LIMCH1: variants seen among roughly 807,000 people sequenced by gnomAD.
LIMCH1 encodes the protein LIM and calponin homology domains 1.
Under a neutral mutation model 176.5 loss-of-function variants are expected in LIMCH1, and 113 were observed. The ratio of observed to expected loss-of-function variants is 0.64; its 90% CI spans 0.55 to 0.75. The LOEUF is 0.75. Ranked by LOEUF, LIMCH1 falls within the 30% of genes least tolerant of loss-of-function variation. LIMCH1 has a pLI of 0.00. For synonymous variants in LIMCH1, 619 were observed against 645.9 expected, an observed-to-expected ratio of 0.96 and a Z score of 0.63; for missense variants, 1,674 against 1,814.9, an observed-to-expected ratio of 0.92 and a Z score of 1.41.
upstream of LIMCH1, among the ~76,000 whole-genome samples, chr4:41,360,372 C>T (rs939749601): frequency 2.6e-5 from 4 of 151,952 alleles, no homozygotes; most frequent in Non-Finnish European, 4.4e-5. This position sits in a 1 kb window ranked among gnomAD's most constrained non-coding sequence, Gnocchi z 4.5. Context: ...CGGGTGCGCC[C>T]CACTGGGCGC....
rs879838799 is a variant in LIMCH1, at chr4:41,620,517, C to T, written c.552C>T (p.Ser184=). The T allele has an allele frequency of 3.0e-5, 46 of 1,536,284 alleles. No individual in the cohort carries two copies. Among genetic ancestry groups the T allele is most frequent in the Middle Eastern group, 3.3e-4 (2 of 6,010 alleles). ...AGQMNPGWKP[S]DGGCELPDGS... Reference sequence around the variant, plus strand: ...AAATGAATCCTGGTTGGAAGCCTTCCGATGGTGGGTGTGAATTACCTGACG... The same window carrying T: ...AAATGAATCCTGGTTGGAAGCCTTCTGATGGTGGGTGTGAATTACCTGACG... Residue 184 remains serine (S), a synonymous_variant, in exon 7 of 32, where the codon TCC becomes TCT. Coordinates refer to ENST00000503057, the MANE Select transcript of LIMCH1 (RefSeq NM_001330672.2).
chr4:41,536,182 G>A (rs552214699), upstream of LIMCH1, among the ~76,000 whole-genome samples: 81 of 152,222 alleles, frequency 5.3e-4, no homozygotes, highest in Non-Finnish European at 1.0e-3. Flanking sequence ...CCAAACCCAG[G>A]TTTATAGGGA....
At chr4:41,570,909 T>A (rs978192589) in intron 1 of LIMCH1, among the ~76,000 whole-genome samples, 1 of 151,894 alleles carries the variant, frequency 6.6e-6, no homozygotes, top group African/African-American at 2.4e-5. Flanking sequence ...TGAAGGAGAG[T>A]GCAGAAATAG....
At chr4:41,620,791 C>A in intron 7 of LIMCH1, 101 bp downstream of exon 7, 1 of 1,325,684 alleles carries the variant, frequency 7.5e-7, no homozygotes, top group Non-Finnish European at 1.0e-6. Context: ...TTTCCACTTC[C>A]CGCTTTTCCT....
chr4:41,592,230 G>A (rs1264905674), intron 1 of LIMCH1, among the ~76,000 whole-genome samples: 2 of 152,202 alleles, frequency 1.3e-5, no homozygotes, highest in Non-Finnish European at 2.9e-5. Context: ...ATTCCATCAT[G>A]TAATTCCTAC....
chr4:41,396,322 T>C (rs1402699827), intron 1 of LIMCH1, among the ~76,000 whole-genome samples: 2 of 152,218 alleles, frequency 1.3e-5, no homozygotes, highest in African/African-American at 4.8e-5. Flanking sequence ...ATGTATTAAA[T>C]GCAAAAGATT....
At chr4:41,384,210 CT>C (rs112813036) in intron 1 of LIMCH1, among the ~76,000 whole-genome samples, 130 of 144,320 alleles carry the variant, frequency 9.0e-4, no homozygotes, top group Admixed American at 9.0e-4. Context: ...ATCCTGCTTT[CT>C]TTTTTTTTTT....
chr4:41,667,798 A>G (rs1176626944), intron 21 of LIMCH1, among the ~76,000 whole-genome samples: 1 of 152,068 alleles, frequency 6.6e-6, no homozygotes, highest in Non-Finnish European at 1.5e-5. Flanking sequence ...CTTCAAAACA[A>G]CTAGACCGCT....
At chr4:41,454,210 C>G (rs1294656225) in intron 1 of LIMCH1, among the ~76,000 whole-genome samples, 1 of 152,158 alleles carries the variant, frequency 6.6e-6, no homozygotes, top group Non-Finnish European at 1.5e-5. Flanking sequence ...TTTTTATCCA[C>G]TGCTACAATG....
chr4:41,577,907 A>G (rs1009043064), intron 1 of LIMCH1, among the ~76,000 whole-genome samples: 3 of 152,186 alleles, frequency 2.0e-5, no homozygotes, highest in Non-Finnish European at 4.4e-5. Flanking sequence ...CTTGTTGTTG[A>G]ACATTCATGT....
chr4:41,438,861 T>C (rs957819600), intron 1 of LIMCH1, among the ~76,000 whole-genome samples: 2 of 152,198 alleles, frequency 1.3e-5, no homozygotes, highest in African/African-American at 4.8e-5. Flanking sequence ...TGCCATCACA[T>C]GGCTTGGATG....
intron 1 of LIMCH1, among the ~76,000 whole-genome samples, chr4:41,580,436 C>T (rs1010484315): frequency 6.6e-6 from 1 of 151,944 alleles, no homozygotes; most frequent in African/African-American, 2.4e-5. Context: ...ACCCTGGAAT[C>T]AAAAAGAAAA....
At chr4:41,622,036 C>G (rs890458390) in intron 7 of LIMCH1, among the ~76,000 whole-genome samples, 33 of 151,536 alleles carry the variant, frequency 2.2e-4, no homozygotes, top group African/African-American at 7.5e-4. Flanking sequence ...TACAGATAAT[C>G]ATGCCTATTC....
At chr4:41,458,410 A>G (rs1038734126) in intron 1 of LIMCH1, among the ~76,000 whole-genome samples, 5 of 152,206 alleles carry the variant, frequency 3.3e-5, no homozygotes, top group African/African-American at 4.8e-5. Context: ...ACATATGTGC[A>G]GGAAACAGCA....
chr4:41,626,509 T>C (rs181823813), intron 7 of LIMCH1, among the ~76,000 whole-genome samples, 199 bp from the exon 8 acceptor site: 8 of 152,334 alleles, frequency 5.3e-5, no homozygotes, highest in Admixed American at 5.2e-4. Context: ...TTAGTATTGC[T>C]AGTGTCTGGC....
chr4:41,400,599 A>G (rs1384012616), intron 1 of LIMCH1, among the ~76,000 whole-genome samples: 2 of 152,232 alleles, frequency 1.3e-5, no homozygotes, highest in African/African-American at 4.8e-5. Flanking sequence ...GAAGTGTAGT[A>G]CACCACCAGT....
intron 1 of LIMCH1, among the ~76,000 whole-genome samples, chr4:41,477,363 G>A (rs775311997): frequency 2.0e-5 from 3 of 152,198 alleles, no homozygotes; most frequent in Non-Finnish European, 4.4e-5. Flanking sequence ...CTTCAGAGGA[G>A]TTTGCGTGGT....
intron 1 of LIMCH1, among the ~76,000 whole-genome samples, chr4:41,559,384 C>A (rs1364230166): frequency 6.6e-6 from 1 of 152,068 alleles, no homozygotes; most frequent in Non-Finnish European, 1.5e-5. Context: ...ATCTTCTGAA[C>A]CAAGCCCCAC....
chr4:41,365,082 C>T (rs1320164016), intron 1 of LIMCH1, among the ~76,000 whole-genome samples: 1 of 152,186 alleles, frequency 6.6e-6, no homozygotes, highest in Middle Eastern at 3.2e-3. Context: ...GACTTGGTTT[C>T]GGTTATGATT....
Sources: gnomAD v4.1 joint callset for allele counts (sites outside exome capture counted in the v4.1 genomes callset) on GRCh38, gnomAD v4.1.1 for gene constraint, Gnocchi (gnomAD v3.1) non-coding constraint, MANE v1.5 for transcripts, NCBI Gene and HGNC (gene_info 2026-07-23, HGNC 2026-07-21) for gene names.